Variants in NID2 observed in about 807,000 individuals in gnomAD.
NID2 encodes the protein nidogen 2.
Under a neutral mutation model 145.4 loss-of-function variants are expected in NID2, and 83 were observed. The ratio of observed to expected loss-of-function variants is 0.57; its 90% CI spans 0.48 to 0.69. NID2 has a LOEUF of 0.69. Ranked by LOEUF, NID2 falls within the 30% of genes least tolerant of loss-of-function variation. The pLI is 0.00. For synonymous variants in NID2, 739 were observed against 701.3 expected (o/e 1.05, Z -0.85); for missense variants, 1,807 against 1,765.7 (o/e 1.02, Z -0.42).
intron 5 of NID2, 46 bp from the exon 6 acceptor site, chr14:52,042,977 A>G (rs1443987470): frequency 3.1e-6 from 5 of 1,591,268 alleles, no homozygotes; most frequent in African/African-American, 1.3e-5. Flanking sequence ...AATGATTCCA[A>G]TGTCACTGCT....
chr14:52,036,397 G>A (rs913411532), intron 9 of NID2, among the ~76,000 whole-genome samples: 1 of 151,950 alleles, frequency 6.6e-6, no homozygotes, highest in African/African-American at 2.4e-5. Context: ...ATATTTTTTG[G>A]TGTCCATCAA....
At position 52,027,182 on chromosome 14, in the gene NID2, C is replaced by A; in HGVS notation, c.2674+19G>T. On this transcript the variant is annotated intron_variant, in intron 12 of 21. Transcript: ENST00000216286. ...CAAAGCAACTTTCCAGTCATTGAGG[C>A]TGACCTGCAGTTACTCACCAGTGCA... is the stretch of plus-strand genomic sequence containing the variant. 6.8e-7 allele frequency: 1 copy of A among 1,460,620 alleles called. No individual in the cohort carries two copies. The highest frequency in any genetic ancestry group is 2.5e-5 in the Admixed American group (1 of 39,524). 90.5% of individuals were successfully genotyped at this position (1,460,620 alleles called of 1,614,324 possible).
intron 20 of NID2, 33 bp from the exon 21 acceptor site, chr14:52,005,882 C>G (rs1890759011): frequency 6.9e-7 from 1 of 1,456,594 alleles, no homozygotes; most frequent in African/African-American, 1.5e-5. Context: ...AATTCAGGGA[C>G]AGTCATTTAC....
intron 5 of NID2, among the ~76,000 whole-genome samples, chr14:52,052,874 A>T (rs901558614): frequency 6.6e-6 from 1 of 152,132 alleles, no homozygotes; most frequent in African/African-American, 2.4e-5. Flanking sequence ...ACAAGTCTCA[A>T]CAAGGACTAG....
intron 14 of NID2, 128 bp downstream of exon 14, chr14:52,018,933 A>T: frequency 1.5e-6 from 1 of 660,104 alleles, no homozygotes; most frequent in Admixed American, 2.5e-5. Context: ...CTATTATTCA[A>T]GTCTTCTCAG....
At chr14:52,044,605 A>C (rs375840723) in intron 5 of NID2, among the ~76,000 whole-genome samples, 40 of 57,522 alleles carry the variant, frequency 7.0e-4, no homozygotes, top group African/African-American at 2.2e-3. Context: ...CCTAGGTAGC[A>C]GGGACTTTTT....
chr14:52,018,863 A>G (rs1316793354), intron 14 of NID2, among the ~76,000 whole-genome samples, 198 bp downstream of exon 14: 6 of 152,242 alleles, frequency 3.9e-5, no homozygotes, highest in South Asian at 2.1e-4. Context: ...AACAGATCAT[A>G]TGTGTCATGT....
At chr14:52,005,930 CAATAGAGGA>C (rs1890761813) in intron 20 of NID2, 81 bp from the exon 21 acceptor site, 1 of 1,072,798 alleles carries the variant, frequency 9.3e-7, no homozygotes, top group Non-Finnish European at 1.4e-6. Context: ...AAATCAGTTG[CAATAGAGGA>C]AAATTTCTGG....
chr14:52,033,821 G>A (rs1026674724), intron 9 of NID2, among the ~76,000 whole-genome samples: 2 of 152,158 alleles, frequency 1.3e-5, no homozygotes, highest in African/African-American at 4.8e-5. Context: ...CTCTTTCAAA[G>A]TTTGGTCTAA....
At chr14:52,050,505 C>A (rs1030138242) in intron 5 of NID2, among the ~76,000 whole-genome samples, 1 of 152,238 alleles carries the variant, frequency 6.6e-6, no homozygotes, top group Non-Finnish European at 1.5e-5. Context: ...TCTCTAATTT[C>A]TTCATGACTT....
chr14:52,043,473 T>C (rs566336115), intron 5 of NID2, among the ~76,000 whole-genome samples: 3 of 152,118 alleles, frequency 2.0e-5, no homozygotes, highest in African/African-American at 7.2e-5. Context: ...AGAAAAGGCA[T>C]GGGGAGAAGG....
At chr14:52,018,986 C>T (rs538887638) in intron 14 of NID2, 75 bp downstream of exon 14, 20 of 1,134,358 alleles carry the variant, frequency 1.8e-5, no homozygotes, top group African/African-American at 3.0e-5. Flanking sequence ...CCCGTGCCTG[C>T]GTGGTCTGGG....
intron 2 of NID2, among the ~76,000 whole-genome samples, chr14:52,060,895 C>T (rs886965431): frequency 6.6e-6 from 1 of 152,230 alleles, no homozygotes; most frequent in Non-Finnish European, 1.5e-5. Context: ...TCTCTTTCCT[C>T]TTCCATCTAC....
At position 52,038,984 on chromosome 14, in the gene NID2, C is replaced by CAA. The variant is rs781720798; in HGVS notation, c.2027-9_2027-8dup. 2 of 1,574,822 alleles carry CAA rather than the reference C, an allele frequency of 1.3e-6. No homozygotes were observed. The highest frequency in any genetic ancestry group is 4.5e-5 in the East Asian group (2 of 44,022). ...GAACTTGTAGAGGTCACAGCTGCAA[C>CAA]AAACACAGTGGTAATTTTTTAAAAA... On this transcript the variant is annotated splice_region_variant and splice_polypyrimidine_tract_variant and intron_variant, in intron 8 of 21. Transcript: ENST00000216286.
At chr14:52,035,135 T>C (rs1892008322) in intron 9 of NID2, among the ~76,000 whole-genome samples, 1 of 152,162 alleles carries the variant, frequency 6.6e-6, no homozygotes, top group African/African-American at 2.4e-5. Context: ...CTAATGCCCA[T>C]AGTCTGCAGT....
chr14:52,056,177 A>C (rs1892839638), intron 3 of NID2, among the ~76,000 whole-genome samples: 1 of 152,202 alleles, frequency 6.6e-6, no homozygotes, highest in Non-Finnish European at 1.5e-5. Flanking sequence ...ATCACATTAG[A>C]GGTGGTGCAA....
Position 52,030,585 on chromosome 14 carries a change from A to AGAACGAACGGAAGGAAGG in NID2, c.2258-896_2258-895insCCTTCCTTCCGTTCGTTC, listed in dbSNP as rs1566755743. Among the ~76,000 whole-genome samples, 27 of 40,498 alleles carry AGAACGAACGGAAGGAAGG rather than the reference A, an allele frequency of 6.7e-4. 1 individual carries two copies. The highest frequency in any genetic ancestry group is 1.0e-3 in the Non-Finnish European group (22 of 21,608). 26.6% of individuals were successfully genotyped at this position (40,498 alleles called of 152,430 possible). A position where few individuals can be genotyped will look rare whatever the true frequency, so the allele number is the denominator to read the frequency against. ...GAAAGAAAGGAAGGAAGGGAAAGAA[A>AGAACGAACGGAAGGAAGG]GAAAGAAAGAAAGAAAGAAAGAGAA... On this transcript the variant is annotated intron_variant, in intron 9 of 21. Coordinates refer to ENST00000216286, the MANE Select transcript of NID2 (RefSeq NM_007361.4).
At chr14:52,008,151 C>CT (rs1209938724) in intron 18 of NID2, 184 bp from the exon 19 acceptor site, 1 of 492,244 alleles carries the variant, frequency 2.0e-6, no homozygotes, top group Non-Finnish European at 3.5e-6. Context: ...AAGTGATAGG[C>CT]TATCACTGCC....
At chr14:52,057,814 T>C (rs950200230) in intron 3 of NID2, among the ~76,000 whole-genome samples, 3 of 152,156 alleles carry the variant, frequency 2.0e-5, no homozygotes, top group East Asian at 1.9e-4. Context: ...ATTTGGGTGT[T>C]CATCTAGTTA....
Sources: gnomAD v4.1 joint callset for allele counts (sites outside exome capture counted in the v4.1 genomes callset) on GRCh38, gnomAD v4.1.1 for gene constraint, MANE v1.5 for transcripts, NCBI Gene and HGNC (gene_info 2026-07-23, HGNC 2026-07-21) for gene names.